The following NSRP1 variants were observed in gnomAD, a reference collection of about 807,000 sequenced individuals.
The protein encoded by NSRP1 is coiled-coil domain containing 55.
In NSRP1, 24 loss-of-function variants were observed where a neutral mutation model predicts 54.7. The ratio of observed to expected loss-of-function variants is 0.44; its 90% CI spans 0.32 to 0.62. NSRP1 has a LOEUF of 0.62. NSRP1 is among the 20% of genes least tolerant of loss of function. The probability of loss-of-function intolerance (pLI) is 0.06; values close to 1 mark genes in which losing one functional copy is unlikely to be tolerated. For missense variants in NSRP1, 596 were observed against 651.2 expected, an observed-to-expected ratio of 0.92 and a Z score of 0.92; for synonymous variants, 210 against 213.8, an observed-to-expected ratio of 0.98 and a Z score of 0.15.
intron 2 of NSRP1, among the ~76,000 whole-genome samples, chr17:30,131,635 T>C (rs1180426067): frequency 6.6e-6 from 1 of 152,226 alleles, no homozygotes; most frequent in African/African-American, 2.4e-5. Flanking sequence ...AATAATCTTT[T>C]TGCTGGTGGA....
intron 2 of NSRP1, among the ~76,000 whole-genome samples, chr17:30,164,258 G>A (rs1360927252): frequency 2.0e-5 from 3 of 152,080 alleles, no homozygotes; most frequent in Non-Finnish European, 4.4e-5. Context: ...CTGTCAGCAT[G>A]TTTACTGAAT....
chr17:30,157,642 C>G (rs959735955), intron 2 of NSRP1, among the ~76,000 whole-genome samples: 1 of 151,968 alleles, frequency 6.6e-6, no homozygotes, highest in African/African-American at 2.4e-5. Context: ...TAGTCTTTGT[C>G]TCTCTCCCCT....
chr17:30,179,547 GT>G (rs1905234554), intron 5 of NSRP1, among the ~76,000 whole-genome samples: 1 of 152,120 alleles, frequency 6.6e-6, no homozygotes, highest in African/African-American at 2.4e-5. Context: ...TTCTCATTTT[GT>G]GGCTTTTGCC....
intron 6 of NSRP1, among the ~76,000 whole-genome samples, chr17:30,182,723 A>T (rs1217167762): frequency 1.3e-5 from 2 of 152,110 alleles, no homozygotes; most frequent in African/African-American, 4.8e-5. Flanking sequence ...TTGCGAGGTC[A>T]GGAGATTGAG....
At chr17:30,119,187 T>G (rs1567787317) in intron 2 of NSRP1, among the ~76,000 whole-genome samples, 1 of 152,104 alleles carries the variant, frequency 6.6e-6, no homozygotes, top group Non-Finnish European at 1.5e-5. Context: ...CCTCCCAGGT[T>G]CAAGTGATTC....
intron 2 of NSRP1, among the ~76,000 whole-genome samples, chr17:30,136,187 G>A (rs1406349457): frequency 6.6e-6 from 1 of 152,108 alleles, no homozygotes; most frequent in Non-Finnish European, 1.5e-5. Flanking sequence ...AAAACAAAAA[G>A]AGTATTGGGT....
intron 2 of NSRP1, among the ~76,000 whole-genome samples, chr17:30,162,279 C>T (rs1904547698): frequency 6.6e-6 from 1 of 152,220 alleles, no homozygotes; most frequent in African/African-American, 2.4e-5. Context: ...ATCCACCCGC[C>T]TTGGCCTCCC....
At chr17:30,170,793 G>GAATCC (rs1904903299) in intron 2 of NSRP1, among the ~76,000 whole-genome samples, 1 of 152,130 alleles carries the variant, frequency 6.6e-6, no homozygotes, top group Non-Finnish European at 1.5e-5. Flanking sequence ...TTGGCTATAT[G>GAATCC]CCAAGAGGGA....
At chr17:30,179,374 A>G (rs965013065) in intron 5 of NSRP1, 77 bp downstream of exon 5, 40 of 1,445,320 alleles carry the variant, frequency 2.8e-5, no homozygotes, top group Admixed American at 8.1e-5. Context: ...TTGCTCTGTC[A>G]CTGAACTTTA....
chr17:30,143,406 G>A lies in NSRP1; in HGVS notation c.114+25233G>A, dbSNP rs368744453. Among the ~76,000 whole-genome samples the A allele has an allele frequency of 1.1e-4, 17 of 152,282 alleles. No individual in the cohort carries two copies. The East Asian group carries it at 2.9e-3, about 26-fold the overall frequency. ...TACATCTTTAGTGTCAAGAGATTGT[G>A]TATTTATAACTGAACTCTAATAAAA... On this transcript the variant is annotated intron_variant, in intron 2 of 6. Transcript: ENST00000247026.
At chr17:30,159,259 A>G (rs1904424640) in intron 2 of NSRP1, among the ~76,000 whole-genome samples, 1 of 151,744 alleles carries the variant, frequency 6.6e-6, no homozygotes. Flanking sequence ...TTTTTCCTCT[A>G]GTTTGTTGCT....
At chr17:30,136,904 A>AT (rs543073582) in intron 2 of NSRP1, among the ~76,000 whole-genome samples, 33 of 152,072 alleles carry the variant, frequency 2.2e-4, no homozygotes, top group Middle Eastern at 3.4e-3. Flanking sequence ...ATATCTAAGG[A>AT]TTTTTTTTGT....
intron 2 of NSRP1, among the ~76,000 whole-genome samples, chr17:30,157,282 T>C (rs536781691): frequency 1.3e-5 from 2 of 152,332 alleles, no homozygotes; most frequent in East Asian, 1.9e-4. Flanking sequence ...GCTACTCATA[T>C]GTATTTTGAG....
At chr17:30,184,583 T>C (rs766073822) in intron 6 of NSRP1, 32 bp from the exon 7 acceptor site, 7 of 1,520,852 alleles carry the variant, frequency 4.6e-6, no homozygotes, top group Non-Finnish European at 6.1e-6. Flanking sequence ...TGTGGCATTT[T>C]TTTCTGCCCT....
At chr17:30,175,513 A>C (rs1905097853) in intron 3 of NSRP1, among the ~76,000 whole-genome samples, 1 of 151,940 alleles carries the variant, frequency 6.6e-6, no homozygotes, top group Non-Finnish European at 1.5e-5. Flanking sequence ...AGCTCACTGC[A>C]ACCTCCACCT....
At chr17:30,163,786 AT>A (rs1423486961) in intron 2 of NSRP1, among the ~76,000 whole-genome samples, 1 of 150,960 alleles carries the variant, frequency 6.6e-6, no homozygotes, top group Non-Finnish European at 1.5e-5. Context: ...GGTGCAAGCA[AT>A]TCTCTTGCCT....
chr17:30,119,269 T>A (rs1256695584), intron 2 of NSRP1, among the ~76,000 whole-genome samples: 2 of 152,014 alleles, frequency 1.3e-5, no homozygotes, highest in Non-Finnish European at 2.9e-5. Flanking sequence ...TTTATTTTTT[T>A]ATTTTTTTGT....
intron 3 of NSRP1, among the ~76,000 whole-genome samples, chr17:30,174,518 C>A (rs564312907): frequency 1.1e-4 from 17 of 152,110 alleles, no homozygotes; most frequent in African/African-American, 3.9e-4. Context: ...CTATGTGGAC[C>A]TCAAGTTTAC....
intron 2 of NSRP1, among the ~76,000 whole-genome samples, chr17:30,136,203 A>G (rs1379597698): frequency 6.6e-6 from 1 of 152,222 alleles, no homozygotes; most frequent in African/African-American, 2.4e-5. Context: ...TGGGTATGAT[A>G]CAATTGAGAA....
Sources: allele counts gnomAD v4.1 joint callset (sites outside exome capture counted in the v4.1 genomes callset), GRCh38; gene constraint gnomAD v4.1.1; transcripts MANE v1.5; gene names NCBI Gene and HGNC (gene_info 2026-07-23, HGNC 2026-07-21).